EXT2: variants seen among roughly 807,000 people sequenced by gnomAD.
The protein encoded by EXT2 is exostosin glycosyltransferase 2, also known as exostosin-2.
Under a neutral mutation model 81.6 loss-of-function variants are expected in EXT2, and 53 were observed. The observed-to-expected ratio is 0.65, with a 90% CI of 0.52 to 0.82. The LOEUF (loss-of-function observed/expected upper bound fraction) is 0.82, where lower values mean the gene tolerates loss of function less well. Among genes scored for constraint, EXT2 ranks in the 40% least tolerant of loss-of-function variants. EXT2 has a pLI of 0.00. For synonymous variants in EXT2, 320 were observed against 340.0 expected (o/e 0.94, Z 0.65); for missense variants, 774 against 910.2 (o/e 0.85, Z 1.93).
chr11:44,189,360 CAGTCAGTTATTGTATT>C, intron 8 of EXT2, among the ~76,000 whole-genome samples: 1 of 152,170 alleles, frequency 6.6e-6, no homozygotes, highest in East Asian at 1.9e-4. Context: ...TTTTTCAGAA[CAGTCAGTTATTGTATT>C]AGTCTGTTCT....
Position 44,132,260 on chromosome 11 carries a change from C to T in EXT2, c.1173+2122C>T, listed in dbSNP as rs987383695. Among the ~76,000 whole-genome samples, 47 of 152,218 alleles carry T rather than the reference C, an allele frequency of 3.1e-4. 1 individual carries two copies. The highest frequency in any genetic ancestry group is 1.1e-3 in the African/African-American group (47 of 41,470). ...TTTGGAGTGGCGTCTACTGCCAGCT[C>T]ACAGAGGACTGTTGCCCATAGGAGG... On this transcript the variant is annotated intron_variant, in intron 7 of 13. Coordinates refer to ENST00000533608, the MANE Select transcript of EXT2 (RefSeq NM_207122.2).
In EXT2 at chr11:44,220,345, G is replaced by A. The variant is rs118160577; in HGVS notation, c.1663-12008G>A. On this transcript the variant is annotated intron_variant, in intron 10 of 13. Coordinates refer to ENST00000533608, the MANE Select transcript of EXT2 (RefSeq NM_207122.2). The surrounding 1 kb of genome is among the most constrained non-coding windows in gnomAD (Gnocchi z 4.4). ...GAGCCTTGTGTATATATCTGAGTAA[G>A]CAACAGTTCCCCCGAGTACCTTTCC... is the stretch of plus-strand genomic sequence containing the variant. Among the ~76,000 whole-genome samples, 2,462 of 152,266 alleles carry A rather than the reference G, an allele frequency of 0.016. 36 individuals carry two copies. The highest frequency in any genetic ancestry group is 0.039 in the South Asian group (189 of 4,826).
rs372928170 is a variant in EXT2 at position 44,250,703 on chromosome 11, G to A, written c.*6416G>A. ...GCCTCTTTTGAGGAGTCCAGAGAGC[G>A]TCCATCCGGTGCCTGGTGAGGGCCC... is the stretch of plus-strand genomic sequence containing the variant. On this transcript the variant is annotated 3_prime_UTR_variant, in exon 14 of 14. Coordinates refer to ENST00000533608, the MANE Select transcript of EXT2 (RefSeq NM_207122.2). Among the ~76,000 whole-genome samples the A allele has an allele frequency of 2.4e-4, 36 of 152,286 alleles. No individual in the cohort carries two copies. Among genetic ancestry groups the A allele is most frequent in the Middle Eastern group, 3.4e-3 (1 of 294 alleles).
chr11:44,124,277 G>T (rs113531430), intron 4 of EXT2, among the ~76,000 whole-genome samples: 39 of 152,216 alleles, frequency 2.6e-4, no homozygotes, highest in African/African-American at 8.7e-4. Context: ...AGACAGCCAG[G>T]AGCAGCCCTT....
intron 7 of EXT2, among the ~76,000 whole-genome samples, chr11:44,166,246 T>C (rs1433900664): frequency 1.3e-5 from 2 of 152,136 alleles, no homozygotes; most frequent in African/African-American, 2.4e-5. Context: ...TAAGGGGAGA[T>C]TGGTGATAAC....
At chr11:44,153,561 G>A (rs1954820229) in intron 7 of EXT2, among the ~76,000 whole-genome samples, 1 of 152,082 alleles carries the variant, frequency 6.6e-6, no homozygotes, top group African/African-American at 2.4e-5. Context: ...TGTTGAAAAG[G>A]AGTGTGAGAG....
rs1443067638 is a variant in EXT2 at position 44,112,522 on chromosome 11, T to A, written c.627-1663T>A. 5.3e-5 allele frequency among the ~76,000 whole-genome samples: 8 copies of A among 152,202 alleles called. No individual in the cohort carries two copies. The East Asian group carries it at 1.5e-3, about 29-fold the overall frequency. On this transcript the variant is annotated intron_variant, in intron 3 of 13. Coordinates refer to ENST00000533608, the MANE Select transcript of EXT2 (RefSeq NM_207122.2). ...ACCATGTGTTCTGTAAAGCAAGGGATGCTTACAATATTTTCTCCATTATAA... is the reference window on the plus strand; with the variant it reads ...ACCATGTGTTCTGTAAAGCAAGGGAAGCTTACAATATTTTCTCCATTATAA...
At chr11:44,176,569 A>G (rs796950124) in intron 8 of EXT2, among the ~76,000 whole-genome samples, 4 of 152,316 alleles carry the variant, frequency 2.6e-5, no homozygotes, top group African/African-American at 9.6e-5. Context: ...GCAGTGGGTT[A>G]TACATTTCTC....
intron 1 of EXT2, among the ~76,000 whole-genome samples, chr11:44,106,595 G>A (rs1169480379): frequency 6.6e-6 from 1 of 152,072 alleles, no homozygotes; most frequent in Non-Finnish European, 1.5e-5. Context: ...CATGATGGGT[G>A]CTCAATAATG....
chr11:44,126,017 G>A (rs1954398249), intron 5 of EXT2, among the ~76,000 whole-genome samples: 1 of 152,022 alleles, frequency 6.6e-6, no homozygotes, highest in African/African-American at 2.4e-5. Context: ...CTTTTCTCTA[G>A]CTTTAAAGAT....
intron 10 of EXT2, among the ~76,000 whole-genome samples, chr11:44,209,034 A>G (rs11828399): frequency 0.01 from 1,534 of 152,336 alleles, 29 homozygotes; most frequent in African/African-American, 0.034. Context: ...TTCCTGCTCT[A>G]TCACTGACCA....
At chr11:44,229,698 C>T (rs1564985465) in intron 10 of EXT2, among the ~76,000 whole-genome samples, 2 of 152,198 alleles carry the variant, frequency 1.3e-5, no homozygotes, top group Non-Finnish European at 2.9e-5. Context: ...GAATGGATAT[C>T]ACGTTATTAT....
In EXT2 at chr11:44,232,464, A is replaced by G. The variant is rs751422341; in HGVS notation, c.1774A>G (p.Met592Val). 3.1e-6 allele frequency: 5 copies of G among 1,613,930 alleles called. No homozygotes were observed. The highest frequency in any genetic ancestry group is 4.2e-6 in the Non-Finnish European group (5 of 1,179,958). ...YESEWTNEVS[M>V]VLTGAAFYHK... ...GTCTGAGTGGACGAATGAAGTGTCC[A>G]TGGTGCTCACTGGGGCAGCTTTTTA... The change falls in exon 11 of 14, where the codon ATG (methionine) becomes GTG (valine). Residue 592 changes from methionine (M) to valine (V), a missense_variant. Physicochemically the swap from Met to Val is conservative, Grantham distance 21. This residue lies in a region of EXT2 where 148 missense variants were observed against 239.7 expected (regional missense o/e 0.62). Transcript: ENST00000533608.
intron 7 of EXT2, among the ~76,000 whole-genome samples, chr11:44,142,419 G>T (rs1255216716): frequency 6.6e-6 from 1 of 152,126 alleles, no homozygotes; most frequent in Non-Finnish European, 1.5e-5. Flanking sequence ...TTTTCTACCG[G>T]TAACTTAAAG....
intron 10 of EXT2, among the ~76,000 whole-genome samples, chr11:44,226,753 T>A (rs940038109): frequency 6.6e-6 from 1 of 152,264 alleles, no homozygotes; most frequent in Non-Finnish European, 1.5e-5. Flanking sequence ...AATTCAAAGA[T>A]GCTTTTGCAT....
At chr11:44,214,272 G>T (rs1222183620) in intron 10 of EXT2, among the ~76,000 whole-genome samples, 1 of 151,888 alleles carries the variant, frequency 6.6e-6, no homozygotes, top group Admixed American at 6.6e-5. Context: ...CCACCACCAC[G>T]CCCGGCTAAT....
rs548433616 is a variant in EXT2 at position 44,180,014 on chromosome 11, G to T, written c.1305+8272G>T. On this transcript the variant is annotated intron_variant, in intron 8 of 13. Transcript: ENST00000533608. Reference sequence around the variant, plus strand: ...ACCAGAGGTTGATTCTTGACTTTTGGCTCTCCCTTTTTTTTCCCTCAGCTA... The same window carrying T: ...ACCAGAGGTTGATTCTTGACTTTTGTCTCTCCCTTTTTTTTCCCTCAGCTA... Among the ~76,000 whole-genome samples, 22 of 152,202 alleles carry T rather than the reference G, an allele frequency of 1.4e-4. 1 individual carries two copies. The highest frequency in any genetic ancestry group is 5.3e-4 in the African/African-American group (22 of 41,534).
At chr11:44,239,540 G>A (rs535544202) in intron 13 of EXT2, among the ~76,000 whole-genome samples, 4 of 151,520 alleles carry the variant, frequency 2.6e-5, no homozygotes, top group Non-Finnish European at 5.9e-5. Flanking sequence ...CTACAGGCAC[G>A]TGGCACCGTG....
intron 7 of EXT2, among the ~76,000 whole-genome samples, chr11:44,161,153 G>A (rs1343225512): frequency 6.6e-6 from 1 of 152,144 alleles, no homozygotes; most frequent in Non-Finnish European, 1.5e-5. Context: ...ATAAAAAGTG[G>A]CTATATACTT....
Sources: gnomAD v4.1 joint callset for allele counts (sites outside exome capture counted in the v4.1 genomes callset) on GRCh38, gnomAD v4.1.1 for gene constraint, gnomAD v4.1.1 regional missense constraint, Gnocchi (gnomAD v3.1) non-coding constraint, MANE v1.5 for transcripts, NCBI Gene and HGNC (gene_info 2026-07-23, HGNC 2026-07-21) for gene names.